Variants in AGO3 observed in about 807,000 individuals in gnomAD.
AGO3 encodes argonaute RISC catalytic component 3.
A neutral mutation model predicts 105.5 loss-of-function variants in AGO3; 16 were observed. The ratio of observed to expected loss-of-function variants is 0.15; its 90% CI spans 0.10 to 0.23. The LOEUF (loss-of-function observed/expected upper bound fraction) is 0.23. AGO3 is among the 10% of genes least tolerant of loss of function. The pLI, the probability that AGO3 is intolerant of heterozygous loss-of-function variation, is 1.00. For missense variants in AGO3, 534 were observed against 1,088.0 expected, an observed-to-expected ratio of 0.49 and a Z score of 7.16; for synonymous variants, 340 against 367.3, an observed-to-expected ratio of 0.93 and a Z score of 0.85.
In AGO3 at chr1:35,931,317, G is replaced by C. The variant is rs1053588075; in HGVS notation, c.-110G>C. ...GGAAGCCGTCGCCGCCCCCGCCTCG[G>C]GGCCGAGTGAGAGTGCCCGTCGCGT... On this transcript the variant is annotated 5_prime_UTR_variant, in exon 1 of 19. Coordinates refer to ENST00000373191, the MANE Select transcript of AGO3 (RefSeq NM_024852.4). 1 of 1,066,838 alleles carries C rather than the reference G, an allele frequency of 9.4e-7. No individual in the cohort carries two copies. 66.1% of individuals were successfully genotyped at this position (1,066,838 alleles called of 1,614,324 possible).
At chr1:35,948,257 G>A (rs1646404992) in intron 2 of AGO3, among the ~76,000 whole-genome samples, 1 of 141,190 alleles carries the variant, frequency 7.1e-6, no homozygotes, top group Non-Finnish European at 1.5e-5. Flanking sequence ...TCTCCCTGTT[G>A]CCCAGGCTGG....
At chr1:35,994,042 A>ATTTTTTT (rs759085356) in intron 5 of AGO3, among the ~76,000 whole-genome samples, 3 of 65,840 alleles carry the variant, frequency 4.6e-5, no homozygotes, top group African/African-American at 2.1e-4. Context: ...CTGCGCCCAG[A>ATTTTTTT]TTTTTTTTTT....
rs925653677 is a variant in AGO3 at position 36,072,170 on chromosome 1, A to T, written c.*16425A>T. The T allele has an allele frequency of 1.3e-5, 2 of 152,226 alleles. No homozygotes were observed. The highest frequency in any genetic ancestry group is 4.8e-5 in the African/African-American group (2 of 41,462). 9.4% of individuals were successfully genotyped at this position (152,226 alleles called of 1,614,324 possible). A position where few individuals can be genotyped will look rare whatever the true frequency, so the allele number is the denominator to read the frequency against. On this transcript the variant is annotated 3_prime_UTR_variant, in exon 19 of 19. Transcript: ENST00000373191. Reference sequence around the variant, plus strand: ...ATTATTATACTACGAACAAGTTATGAGTGAGACTGAGAAGCTTGAAGAAGC... The same window carrying T: ...ATTATTATACTACGAACAAGTTATGTGTGAGACTGAGAAGCTTGAAGAAGC...
chr1:35,995,210 AT>A (rs60706463), intron 5 of AGO3, among the ~76,000 whole-genome samples: 12,714 of 93,612 alleles, frequency 0.14, 1,789 homozygotes, highest in East Asian at 0.67. Flanking sequence ...AAAAAAAAAA[AT>A]ATATATATAT....
intron 9 of AGO3, 64 bp downstream of exon 9, chr1:36,009,658 A>G: frequency 2.0e-6 from 3 of 1,505,664 alleles, no homozygotes; most frequent in Non-Finnish European, 1.8e-6. Flanking sequence ...ATACTAGAGA[A>G]CCATGTCCTT....
chr1:36,020,216 T>C (rs1641145288), intron 11 of AGO3, among the ~76,000 whole-genome samples: 1 of 152,248 alleles, frequency 6.6e-6, no homozygotes, highest in African/African-American at 2.4e-5. Context: ...TGTATCCTCT[T>C]ACATAGCAAT....
chr1:36,052,656 A>G (rs944700836), intron 17 of AGO3, among the ~76,000 whole-genome samples: 3 of 152,192 alleles, frequency 2.0e-5, no homozygotes, highest in African/African-American at 7.2e-5. Context: ...CCTCATAAAT[A>G]TGTGTAATTA....
chr1:35,964,321 A>G (rs370105689), intron 2 of AGO3, among the ~76,000 whole-genome samples: 110 of 152,066 alleles, frequency 7.2e-4, no homozygotes, highest in East Asian at 4.6e-3. Context: ...GTTCTCCTCT[A>G]TGGGTCCATA....
rs1406286318 is a variant in AGO3 at position 36,055,075 on chromosome 1, G to T, written c.2404G>T (p.Ala802Ser). 1.6e-5 allele frequency: 26 copies of T among 1,613,992 alleles called. No homozygotes were observed. The highest frequency in any genetic ancestry group is 2.1e-5 in the Non-Finnish European group (25 of 1,179,970). ...CTGTACACGATCTGTTTCTATACCT[G>T]CACCAGCGTATTATGCTCACCTGGT... ...VRCTRSVSIP[A>S]PAYYAHLVAF... Residue 802 changes from alanine (A) to serine (S), a missense_variant, in exon 18 of 19, where the codon GCA (alanine) becomes TCA (serine). Physicochemically the swap from Ala to Ser is moderately conservative, Grantham distance 99. Transcript: ENST00000373191. This position sits in a 1 kb window ranked among gnomAD's most constrained non-coding sequence, Gnocchi z 4.4.
intron 4 of AGO3, 106 bp downstream of exon 4, chr1:35,972,338 A>C: frequency 3.9e-6 from 5 of 1,266,634 alleles, no homozygotes; most frequent in Admixed American, 2.2e-5. Context: ...TGATTGTTCA[A>C]CTGAAATGTT....
intron 5 of AGO3, among the ~76,000 whole-genome samples, chr1:35,985,633 A>G (rs1362099060): frequency 6.6e-6 from 1 of 152,254 alleles, no homozygotes; most frequent in Non-Finnish European, 1.5e-5. Context: ...TACATTAGAC[A>G]CAAAATTTAT....
At chr1:36,031,095 A>G (rs11588253) in intron 12 of AGO3, among the ~76,000 whole-genome samples, 2,386 of 152,326 alleles carry the variant, frequency 0.016, 22 homozygotes, top group Middle Eastern at 0.037. Flanking sequence ...TATTAGCTCA[A>G]TTAAGAATAT....
At chr1:36,020,266 A>G (rs1157130631) in intron 11 of AGO3, among the ~76,000 whole-genome samples, 2 of 152,198 alleles carry the variant, frequency 1.3e-5, no homozygotes, top group African/African-American at 2.4e-5. Flanking sequence ...TGTTTATTAG[A>G]TGGGTTATCA....
intron 17 of AGO3, among the ~76,000 whole-genome samples, chr1:36,049,698 G>C (rs1377520564): frequency 6.6e-6 from 1 of 152,056 alleles, no homozygotes; most frequent in Non-Finnish European, 1.5e-5. Context: ...TAAACTGAAA[G>C]TGAAGAGATG....
intron 5 of AGO3, among the ~76,000 whole-genome samples, chr1:36,003,715 T>A (rs200577305): frequency 0.042 from 4,660 of 109,798 alleles, 167 homozygotes; most frequent in African/African-American, 0.1. Flanking sequence ...AAAAAATATA[T>A]ATATATATAT....
rs1234224410 is a variant in AGO3, at chr1:35,972,026, A to G, written c.315A>G (p.Val105=). The G allele has an allele frequency of 3.1e-6, 5 of 1,613,614 alleles. No individual in the cohort carries two copies. The East Asian group carries it at 8.9e-5, about 29-fold the overall frequency. Residue 105 remains valine, a splice_region_variant and synonymous_variant, in exon 4 of 19, where the codon GTA becomes GTG. Coordinates refer to ENST00000373191, the MANE Select transcript of AGO3 (RefSeq NM_024852.4). Reference sequence around the variant, plus strand: ...GTTGACTCTTTTCCCATCAACAGGTAGATTTAGACGTTACTTTACCTGGGG... The same window carrying G: ...GTTGACTCTTTTCCCATCAACAGGTGGATTTAGACGTTACTTTACCTGGGG... ...ANPLPVATTG[V]DLDVTLPGEG... is the part of the protein sequence containing the mutation.
At chr1:35,988,496 G>A (rs1647319860) in intron 5 of AGO3, among the ~76,000 whole-genome samples, 1 of 151,980 alleles carries the variant, frequency 6.6e-6, no homozygotes. Flanking sequence ...TGTGAGTTGA[G>A]CTTTCTTAGA....
At position 36,061,436 on chromosome 1, in the gene AGO3, T is replaced by TA. The variant is rs1240397716; in HGVS notation, c.*5694dup. 2.6e-5 allele frequency: 4 copies of TA among 152,216 alleles called. No individual in the cohort carries two copies. The highest frequency in any genetic ancestry group is 9.6e-5 in the African/African-American group (4 of 41,462). 9.4% of individuals were successfully genotyped at this position (152,216 alleles called of 1,614,324 possible). A position where few individuals can be genotyped will look rare whatever the true frequency, so the allele number is the denominator to read the frequency against. The stretch of plus-strand genomic sequence containing the variant: ...TACTCCAGATGTTTACATCATTGAT[T>TA]AAATCTCAAGAATCTTTTGTTCTTA... On this transcript the variant is annotated 3_prime_UTR_variant, in exon 19 of 19. Transcript: ENST00000373191.
chr1:35,971,204 C>T lies in AGO3; in HGVS notation c.313-820C>T, dbSNP rs762776061. 2.3e-3 allele frequency among the ~76,000 whole-genome samples: 321 copies of T among 142,328 alleles called. 3 individuals are homozygous for T. Among genetic ancestry groups the T allele is most frequent in the African/African-American group, 8.0e-3 (297 of 37,342 alleles). 93.4% of individuals were successfully genotyped at this position (142,328 alleles called of 152,430 possible). A position where few individuals can be genotyped will look rare whatever the true frequency, so the allele number is the denominator to read the frequency against. On this transcript the variant is annotated intron_variant, in intron 3 of 18. Coordinates refer to ENST00000373191, the MANE Select transcript of AGO3 (RefSeq NM_024852.4). The stretch of plus-strand genomic sequence containing the variant: ...TTTTTGAGCCTCACTCTGTTGCCCA[C>T]GCTGGAGCACAGTGGTGTGATCTTG...
Sources: gnomAD v4.1 joint callset for allele counts (sites outside exome capture counted in the v4.1 genomes callset) on GRCh38, gnomAD v4.1.1 for gene constraint, Gnocchi (gnomAD v3.1) non-coding constraint, MANE v1.5 for transcripts, NCBI Gene and HGNC (gene_info 2026-07-23, HGNC 2026-07-21) for gene names.